LTBP1: variants seen among roughly 807,000 people sequenced by gnomAD.
The protein encoded by LTBP1 is latent-transforming growth factor beta-binding protein 1.
A neutral mutation model predicts 207.6 loss-of-function variants in LTBP1; 129 were observed. The observed-to-expected ratio is 0.62, with a 90% CI of 0.54 to 0.72. The LOEUF (loss-of-function observed/expected upper bound fraction) is 0.72, where lower values mean the gene tolerates loss of function less well. Among genes scored for constraint, LTBP1 ranks in the 30% least tolerant of loss-of-function variants. The pLI, the probability that LTBP1 is intolerant of heterozygous loss-of-function variation, is 0.00. For synonymous variants in LTBP1, 963 were observed against 833.7 expected (o/e 1.16, Z -2.67); for missense variants, 2,281 against 2,217.2 (o/e 1.03, Z -0.58).
chr2:33,042,979 T>A (rs1573264727), intron 3 of LTBP1, among the ~76,000 whole-genome samples: 1 of 152,234 alleles, frequency 6.6e-6, no homozygotes, highest in African/African-American at 2.4e-5. Context: ...TCTGGGCATC[T>A]GACTACCTGC....
chr2:33,049,873 G>C (rs2076636869), intron 3 of LTBP1, among the ~76,000 whole-genome samples: 1 of 149,750 alleles, frequency 6.7e-6, no homozygotes, highest in Non-Finnish European at 1.5e-5. Flanking sequence ...ACAGAGTCTT[G>C]CTTTGTTGCT....
At chr2:33,206,520 C>T (rs925642452) in intron 7 of LTBP1, among the ~76,000 whole-genome samples, 3 of 152,052 alleles carry the variant, frequency 2.0e-5, no homozygotes, top group African/African-American at 7.2e-5. Flanking sequence ...GCGGGCGGAT[C>T]ACGAGGTTAG....
chr2:33,283,716 G>A (rs532319791), intron 19 of LTBP1, among the ~76,000 whole-genome samples: 9 of 152,258 alleles, frequency 5.9e-5, no homozygotes, highest in Admixed American at 2.0e-4. Flanking sequence ...GATTACAGGC[G>A]TGAGCCACCG....
intron 3 of LTBP1, 26 bp from the exon 4 acceptor site, chr2:33,110,556 C>T (rs2080344919): frequency 6.3e-7 from 1 of 1,599,748 alleles, no homozygotes; most frequent in Admixed American, 1.7e-5. Context: ...TATTTAATTC[C>T]TTCTCTTTAT....
chr2:32,978,675 T>C lies in LTBP1; in HGVS notation c.565+29730T>C, dbSNP rs113341128. ...CTGTAGTTTTTTTTTAATTTTTTTTTTTTTTTTGCATGTGTCTTTGGTTTT... is the reference window on the plus strand; with the variant it reads ...CTGTAGTTTTTTTTTAATTTTTTTTCTTTTTTTGCATGTGTCTTTGGTTTT... On this transcript the variant is annotated intron_variant, in intron 2 of 33. Transcript: ENST00000404816. 3.9e-3 allele frequency among the ~76,000 whole-genome samples: 586 copies of C among 151,556 alleles called. 4 individuals are homozygous for C. Among genetic ancestry groups the C allele is most frequent in the African/African-American group, 0.014 (567 of 41,450 alleles).
chr2:33,263,479 T>TTG (rs2093079748), intron 15 of LTBP1, 87 bp downstream of exon 15: 1 of 940,068 alleles, frequency 1.1e-6, no homozygotes, highest in African/African-American at 1.6e-5. Context: ...TTATATAAGC[T>TTG]TGCTCATGGC....
intron 31 of LTBP1, among the ~76,000 whole-genome samples, chr2:33,376,622 C>T (rs767769928): frequency 3.3e-5 from 5 of 152,164 alleles, no homozygotes; most frequent in Non-Finnish European, 5.9e-5. Flanking sequence ...TTTTTATAAT[C>T]AGTATCTTCC....
chr2:33,004,814 T>TATATATATATATAA (rs1178147190), intron 2 of LTBP1, among the ~76,000 whole-genome samples: 54 of 136,554 alleles, frequency 4.0e-4, no homozygotes, highest in African/African-American at 5.5e-4. Context: ...TATATATATA[T>TATATATATATATAA]AAACATAAAA....
intron 4 of LTBP1, among the ~76,000 whole-genome samples, chr2:33,132,691 C>T (rs748419684): frequency 2.6e-5 from 4 of 152,154 alleles, no homozygotes; most frequent in African/African-American, 4.8e-5. Flanking sequence ...TCTTGATCCT[C>T]CAGGGTTAGA....
At chr2:33,172,573 C>T (rs1056570879) in intron 5 of LTBP1, among the ~76,000 whole-genome samples, 3 of 152,168 alleles carry the variant, frequency 2.0e-5, no homozygotes, top group Non-Finnish European at 4.4e-5. Flanking sequence ...TAACACCCCA[C>T]TGTCAACATT....
intron 9 of LTBP1, among the ~76,000 whole-genome samples, chr2:33,231,327 C>T (rs1005736474): frequency 5.9e-5 from 9 of 152,198 alleles, no homozygotes; most frequent in Non-Finnish European, 2.9e-5. Flanking sequence ...CACAAGAATA[C>T]TCATTACCAA....
At position 33,204,631 on chromosome 2, in the gene LTBP1, G is replaced by A. The variant is rs544548609; in HGVS notation, c.1702-12921G>A. Among the ~76,000 whole-genome samples the A allele has an allele frequency of 1.1e-4, 17 of 151,800 alleles. No homozygotes were observed. In the East Asian group the frequency reaches 2.9e-3, roughly 26 times the overall value. ...GTCTCACTCTGTTGCCCAAGCTGGA[G>A]TGCAGTGGCAGGATCATAGCATGCT... On this transcript the variant is annotated intron_variant, in intron 7 of 33. Transcript: ENST00000404816.
At chr2:33,290,600 C>T (rs950868181) in intron 19 of LTBP1, among the ~76,000 whole-genome samples, 4 of 152,140 alleles carry the variant, frequency 2.6e-5, no homozygotes, top group African/African-American at 9.7e-5. Context: ...GTGGCAGTAA[C>T]TCGGGTGAGA....
chr2:33,060,650 TC>T (rs1227418820), intron 3 of LTBP1, among the ~76,000 whole-genome samples: 5 of 105,768 alleles, frequency 4.7e-5, no homozygotes, highest in African/African-American at 1.2e-4. Flanking sequence ...TAAATTCAGA[TC>T]TGTGTGTGTG....
chr2:33,303,677 G>T (rs896724189), intron 22 of LTBP1, among the ~76,000 whole-genome samples: 9 of 152,122 alleles, frequency 5.9e-5, no homozygotes, highest in African/African-American at 2.2e-4. Context: ...CATAAGGAGC[G>T]TGCAACCTAG....
Position 33,013,367 on chromosome 2 carries a change from C to G in LTBP1, c.566-7542C>G, listed in dbSNP as rs201724704. 1.6e-4 allele frequency among the ~76,000 whole-genome samples: 25 copies of G among 152,022 alleles called. No individual in the cohort carries two copies. The East Asian group carries it at 4.6e-3, about 28-fold the overall frequency. ...CTTTACTAATTTCATTTCCCTCTGT[C>G]TAAATTATCTATTTCTGTTCTTTTT... On this transcript the variant is annotated intron_variant, in intron 2 of 33. Coordinates refer to ENST00000404816, the MANE Select transcript of LTBP1 (RefSeq NM_206943.4).
At chr2:33,285,745 C>A (rs1344425414) in intron 19 of LTBP1, 1 of 152,110 alleles carries the variant, frequency 6.6e-6, no homozygotes, top group African/African-American at 2.4e-5. Context: ...CCGCACCTGG[C>A]CTTTTGGAGC....
chr2:33,036,222 TTGGTGGGTC>T (rs1416934895), intron 3 of LTBP1, among the ~76,000 whole-genome samples: 9 of 152,036 alleles, frequency 5.9e-5, no homozygotes, highest in Admixed American at 5.9e-4. Context: ...AGTTTCCGAT[TTGGTGGGTC>T]TGGGGAGGGG....
rs1032010425 is a variant in LTBP1 at position 33,134,677 on chromosome 2, T to C, written c.1034-116T>C. On this transcript the variant is annotated intron_variant, in intron 4 of 33. Transcript: ENST00000404816. This position sits in a 1 kb window ranked among gnomAD's most constrained non-coding sequence, Gnocchi z 4.4. ...CCTGTCGGGTTGTGGGCTCTCTCTT[T>C]TCCCCTCTTGCTCCTTTCTTTTCTT... 1.3e-6 allele frequency: 2 copies of C among 1,591,104 alleles called. No homozygotes were observed. The highest frequency in any genetic ancestry group is 2.7e-5 in the African/African-American group (2 of 73,914).
Sources: gnomAD v4.1 joint callset for allele counts (sites outside exome capture counted in the v4.1 genomes callset) on GRCh38, gnomAD v4.1.1 for gene constraint, Gnocchi (gnomAD v3.1) non-coding constraint, MANE v1.5 for transcripts, NCBI Gene and HGNC (gene_info 2026-07-23, HGNC 2026-07-21) for gene names.